LYPLAL1: variants seen among roughly 807,000 people sequenced by gnomAD.
LYPLAL1 encodes lysophospholipase-like protein 1.
LYPLAL1 carries 23 observed loss-of-function variants against 19.7 expected under a neutral mutation model. The observed-to-expected ratio is 1.17, with a 90% confidence interval of 0.84 to 1.65. The LOEUF (loss-of-function observed/expected upper bound fraction) is 1.65. Ranked by LOEUF, LYPLAL1 falls within the 40% of genes most tolerant of loss-of-function variation. The pLI is 0.00. For synonymous variants in LYPLAL1, 119 were observed against 96.3 expected, an observed-to-expected ratio of 1.24 and a Z score of -1.38; for missense variants, 355 against 279.4, an observed-to-expected ratio of 1.27 and a Z score of -1.93.
At chr1:219,200,319 A>G (rs923907372) in intron 3 of LYPLAL1, 6 of 202,078 alleles carry the variant, frequency 3.0e-5, no homozygotes, top group Non-Finnish European at 5.5e-5. Context: ...CATTTTAGCA[A>G]AATTTTTATA....
chr1:219,302,132 A>G, the LYPLAL1 span, among the ~76,000 whole-genome samples: 1 of 152,154 alleles, frequency 6.6e-6, no homozygotes, highest in Non-Finnish European at 1.5e-5. Context: ...TGATGATCCT[A>G]TTATTCTACA....
At chr1:219,327,899 T>A in the LYPLAL1 span, among the ~76,000 whole-genome samples, 6 of 152,250 alleles carry the variant, frequency 3.9e-5, no homozygotes, top group East Asian at 3.9e-4. Flanking sequence ...TGAAACTGAG[T>A]CCATTAAACC....
chr1:219,331,306 A>G, the LYPLAL1 span, among the ~76,000 whole-genome samples: 1 of 152,174 alleles, frequency 6.6e-6, no homozygotes, highest in Non-Finnish European at 1.5e-5. Flanking sequence ...TATTACCACA[A>G]TAATGTCGCA....
chr1:219,379,851 G>T, the LYPLAL1 span, among the ~76,000 whole-genome samples: 6 of 152,126 alleles, frequency 3.9e-5, no homozygotes, highest in Non-Finnish European at 7.4e-5. Context: ...TCACTGAAAA[G>T]ACCTATTGTT....
chr1:219,354,121 A>G, the LYPLAL1 span, among the ~76,000 whole-genome samples: 1 of 152,220 alleles, frequency 6.6e-6, no homozygotes, highest in Admixed American at 6.5e-5. Flanking sequence ...ACCAATGGAT[A>G]ATATCAAGTC....
the LYPLAL1 span, among the ~76,000 whole-genome samples, chr1:219,241,134 C>CTCTCTCTCTCTATATATATA: frequency 2.1e-3 from 91 of 44,330 alleles, no homozygotes; most frequent in Non-Finnish European, 3.2e-3. Context: ...CTCTCTCTCT[C>CTCTCTCTCTCTATATATATA]TATATATATA....
intron 3 of LYPLAL1, among the ~76,000 whole-genome samples, chr1:219,209,948 T>G (rs1303937762): frequency 6.6e-6 from 1 of 152,142 alleles, no homozygotes; most frequent in Non-Finnish European, 1.5e-5. Context: ...TTTTAAAAAC[T>G]ACATATAGGC....
the LYPLAL1 span, among the ~76,000 whole-genome samples, chr1:219,277,343 A>G: frequency 6.6e-6 from 1 of 152,254 alleles, no homozygotes; most frequent in African/African-American, 2.4e-5. Context: ...ATGATCAGCA[A>G]TTTTGGTGTT....
the LYPLAL1 span, among the ~76,000 whole-genome samples, chr1:219,335,986 G>A: frequency 6.6e-6 from 1 of 150,882 alleles, no homozygotes; most frequent in Non-Finnish European, 1.5e-5. Context: ...AATAATACCT[G>A]GGTGTTCTCT....
the LYPLAL1 span, among the ~76,000 whole-genome samples, chr1:219,257,376 G>A: frequency 3.0e-5 from 3 of 99,674 alleles, no homozygotes; most frequent in Non-Finnish European, 4.4e-5. Flanking sequence ...TTTTTTTTTG[G>A]TTACTGTTTG....
the LYPLAL1 span, among the ~76,000 whole-genome samples, chr1:219,323,448 T>C: frequency 2.0e-5 from 3 of 152,126 alleles, no homozygotes; most frequent in African/African-American, 7.2e-5. Flanking sequence ...AGGGAAGCAG[T>C]AGGGTATCCC....
chr1:219,191,536 A>AT (rs1042996410), intron 2 of LYPLAL1, among the ~76,000 whole-genome samples: 15 of 151,764 alleles, frequency 9.9e-5, no homozygotes, highest in Admixed American at 7.9e-4. Context: ...TTGAAAAGAA[A>AT]TAGTGTGCCA....
intron 3 of LYPLAL1, chr1:219,210,289 A>G (rs1364719785): frequency 1.2e-5 from 3 of 244,550 alleles, no homozygotes; most frequent in Non-Finnish European, 2.3e-5. Context: ...GGTGAACATG[A>G]TATATTTGTT....
chr1:219,349,049 T>C, the LYPLAL1 span, among the ~76,000 whole-genome samples: 1 of 152,192 alleles, frequency 6.6e-6, no homozygotes, highest in African/African-American at 2.4e-5. Flanking sequence ...CATTTCTTTT[T>C]CATAAAAGAG....
At chr1:219,246,878 G>A in the LYPLAL1 span, among the ~76,000 whole-genome samples, 1 of 152,194 alleles carries the variant, frequency 6.6e-6, no homozygotes, top group Non-Finnish European at 1.5e-5. Flanking sequence ...GAGCCACTGT[G>A]CCCGGCCTAA....
chr1:219,196,560 G>A (rs1657617780), intron 3 of LYPLAL1, among the ~76,000 whole-genome samples: 3 of 152,094 alleles, frequency 2.0e-5, no homozygotes, highest in South Asian at 2.1e-4. Context: ...GACAAAAGCT[G>A]TAACCATTCC....
At chr1:219,430,477 G>A in the LYPLAL1 span, among the ~76,000 whole-genome samples, 5 of 152,174 alleles carry the variant, frequency 3.3e-5, no homozygotes, top group African/African-American at 1.2e-4. Flanking sequence ...TCCCATTCAG[G>A]CCACCCAAGT....
chr1:219,444,115 A>C, the LYPLAL1 span, among the ~76,000 whole-genome samples: 3 of 152,330 alleles, frequency 2.0e-5, no homozygotes, highest in African/African-American at 7.2e-5. Flanking sequence ...ATTGAACTTA[A>C]ATGACATTAT....
At chr1:219,177,892 C>G (rs935801558) in intron 1 of LYPLAL1, among the ~76,000 whole-genome samples, 9 of 152,166 alleles carry the variant, frequency 5.9e-5, no homozygotes, top group African/African-American at 2.2e-4. Flanking sequence ...TACAGTTTCT[C>G]TGGTCTCATT....
Sources: gnomAD v4.1 joint callset for allele counts (sites outside exome capture counted in the v4.1 genomes callset) on GRCh38, gnomAD v4.1.1 for gene constraint, MANE v1.5 for transcripts, NCBI Gene and HGNC (gene_info 2026-07-23, HGNC 2026-07-21) for gene names.